TMEM255A: variants seen among roughly 807,000 people sequenced by gnomAD.
The protein encoded by TMEM255A is family with sequence similarity 70, member A.
Under a neutral mutation model 23.5 loss-of-function variants are expected in TMEM255A, and 14 were observed. The ratio of observed to expected loss-of-function variants is 0.60; its 90% CI spans 0.39 to 0.93. The LOEUF (loss-of-function observed/expected upper bound fraction) is 0.93, where lower values mean the gene tolerates loss of function less well. Ranked by LOEUF, TMEM255A falls within the 40% of genes least tolerant of loss-of-function variation. The pLI is 0.00. For missense variants in TMEM255A, 233 were observed against 261.7 expected, an observed-to-expected ratio of 0.89 and a Z score of 0.76; for synonymous variants, 104 against 100.3, an observed-to-expected ratio of 1.04 and a Z score of -0.22.
downstream of TMEM255A, chrX:120,255,443 G>A (rs782337560): frequency 8.6e-7 from 1 of 1,160,863 alleles, no homozygotes; most frequent in Admixed American, 2.4e-5. Context: ...AAACTCCTTT[G>A]AAATACTAGA....
At chrX:120,257,586 ACT>A (rs2057646958), downstream of TMEM255A, 1 of 123,339 alleles carries the variant, frequency 8.1e-6, no homozygotes, top group Non-Finnish European at 1.9e-5. Flanking sequence ...TGACATTTAA[ACT>A]CTGTGCCTAC....
intron 8 of TMEM255A, among the ~76,000 whole-genome samples, chrX:120,265,598 A>G (rs2057711316): frequency 8.9e-6 from 1 of 111,983 alleles, no homozygotes; most frequent in African/African-American, 3.3e-5. Context: ...TAGATTCACA[A>G]CTTCAAAAAT....
chrX:120,308,298 T>A (rs1344965077), intron 1 of TMEM255A, among the ~76,000 whole-genome samples: 2 of 112,048 alleles, frequency 1.8e-5, no homozygotes, highest in Non-Finnish European at 3.8e-5. Flanking sequence ...GGATGCTGTC[T>A]CTGTTACTTT....
At chrX:120,261,657 C>T (rs782598434) in intron 8 of TMEM255A, among the ~76,000 whole-genome samples, 1 of 112,246 alleles carries the variant, frequency 8.9e-6, no homozygotes, top group South Asian at 3.7e-4. Context: ...CAAAGAGTAA[C>T]AAAGGCATGG....
chrX:120,309,679 T>C (rs2058086522), intron 1 of TMEM255A, among the ~76,000 whole-genome samples: 1 of 111,128 alleles, frequency 9.0e-6, no homozygotes, highest in Non-Finnish European at 1.9e-5. Context: ...CCTCTCTGTC[T>C]CTCTCTCTCT....
At chrX:120,306,296 T>C (rs1212922620) in intron 1 of TMEM255A, among the ~76,000 whole-genome samples, 1 of 111,384 alleles carries the variant, frequency 9.0e-6, no homozygotes, top group Non-Finnish European at 1.9e-5. Context: ...AAAGGAATAG[T>C]AGAGGGTTGG....
intron 1 of TMEM255A, among the ~76,000 whole-genome samples, chrX:120,307,331 G>A (rs1441372430): frequency 1.8e-5 from 2 of 111,857 alleles, no homozygotes; most frequent in Non-Finnish European, 3.8e-5. Flanking sequence ...TATTTTAGAA[G>A]GGAGAAGTAC....
chrX:120,264,992 C>T (rs2057706415), intron 8 of TMEM255A, among the ~76,000 whole-genome samples: 1 of 109,375 alleles, frequency 9.1e-6, no homozygotes, highest in Non-Finnish European at 1.9e-5. Flanking sequence ...ATTCTCCTGC[C>T]TCAGCCTCCT....
intron 2 of TMEM255A, among the ~76,000 whole-genome samples, chrX:120,301,468 G>A (rs113384523): frequency 3.6e-5 from 4 of 111,914 alleles, no homozygotes; most frequent in South Asian, 3.7e-4. Flanking sequence ...CACTTTGACA[G>A]TGCAGAATCT....
At chrX:120,287,308 T>TACAC (rs3842485) in intron 4 of TMEM255A, 86 bp from the exon 5 acceptor site, 56 of 463,420 alleles carry the variant, frequency 1.2e-4, no homozygotes, top group African/African-American at 8.1e-4. Flanking sequence ...AAGGTTTGAA[T>TACAC]ACACACACAC....
intron 1 of TMEM255A, among the ~76,000 whole-genome samples, chrX:120,309,566 T>G (rs1401743219): frequency 1.8e-5 from 2 of 112,851 alleles, no homozygotes; most frequent in Non-Finnish European, 3.8e-5. Flanking sequence ...ACCCCAGCAC[T>G]CTTCCACTCT....
At chrX:120,296,085 G>C (rs1556023987) in intron 2 of TMEM255A, among the ~76,000 whole-genome samples, 1 of 112,096 alleles carries the variant, frequency 8.9e-6, no homozygotes, top group Non-Finnish European at 1.9e-5. Flanking sequence ...TTGTTGAGTT[G>C]AGAGAAATTT....
At chrX:120,271,984 C>A (rs1230925568) in intron 7 of TMEM255A, among the ~76,000 whole-genome samples, 1 of 112,441 alleles carries the variant, frequency 8.9e-6, no homozygotes, top group East Asian at 2.8e-4. Context: ...GCTCTAGTAT[C>A]CGCTATTTAT....
At chrX:120,292,832 T>C (rs2057926071) in intron 3 of TMEM255A, among the ~76,000 whole-genome samples, 1 of 111,555 alleles carries the variant, frequency 9.0e-6, no homozygotes, top group African/African-American at 3.3e-5. Flanking sequence ...TTATCTCCTT[T>C]GGGAGTTGTT....
At chrX:120,257,267 C>T (rs782176537), downstream of TMEM255A, 1 of 122,503 alleles carries the variant, frequency 8.2e-6, no homozygotes, top group South Asian at 3.7e-4. Flanking sequence ...ATATTAATAA[C>T]ATTACTCTTT....
intron 6 of TMEM255A, among the ~76,000 whole-genome samples, chrX:120,280,579 A>G (rs1227295528): frequency 9.0e-6 from 1 of 110,798 alleles, no homozygotes; most frequent in African/African-American, 3.3e-5. Flanking sequence ...TTGCATTCCC[A>G]CTGCTCCCAT....
intron 4 of TMEM255A, among the ~76,000 whole-genome samples, chrX:120,288,823 T>G (rs782794802): frequency 7.1e-5 from 8 of 112,402 alleles, no homozygotes; most frequent in Non-Finnish European, 1.3e-4. Context: ...ATGCTAACCC[T>G]GAAAGGTAGG....
At chrX:120,263,461 C>T (rs993871753) in intron 8 of TMEM255A, among the ~76,000 whole-genome samples, 1 of 111,823 alleles carries the variant, frequency 8.9e-6, no homozygotes, top group African/African-American at 3.3e-5. Context: ...GATGGCTTTC[C>T]TCTTCCACCT....
chrX:120,275,199 C>T (rs1556019506), intron 7 of TMEM255A, among the ~76,000 whole-genome samples: 1 of 112,281 alleles, frequency 8.9e-6, no homozygotes, highest in East Asian at 2.8e-4. Context: ...GGGGCTCCAC[C>T]TTTGTTGATG....
Sources: allele counts gnomAD v4.1 joint callset (sites outside exome capture counted in the v4.1 genomes callset), GRCh38; gene constraint gnomAD v4.1.1; transcripts MANE v1.5; gene names NCBI Gene and HGNC (gene_info 2026-07-23, HGNC 2026-07-21).